CRIM1: variants seen among roughly 807,000 people sequenced by gnomAD.
The protein encoded by CRIM1 is cysteine rich transmembrane BMP regulator 1.
A neutral mutation model predicts 116.4 loss-of-function variants in CRIM1; 32 were observed. The ratio of observed to expected loss-of-function variants is 0.27; its 90% CI spans 0.21 to 0.37. CRIM1 has a LOEUF of 0.37. Among genes scored for constraint, CRIM1 ranks in the 10% least tolerant of loss-of-function variants. The pLI is 1.00. For synonymous variants in CRIM1, 590 were observed against 509.2 expected (o/e 1.16, Z -2.13); for missense variants, 1,331 against 1,354.8 (o/e 0.98, Z 0.28).
chr2:36,476,588 C>A (rs765968931), intron 5 of CRIM1, among the ~76,000 whole-genome samples: 6 of 152,100 alleles, frequency 3.9e-5, no homozygotes, highest in African/African-American at 7.2e-5. Flanking sequence ...AAAGCACATA[C>A]CAGATATGTG....
intron 5 of CRIM1, among the ~76,000 whole-genome samples, chr2:36,471,761 C>CACACACACA (rs72156127): frequency 0.053 from 6,848 of 128,602 alleles, 224 homozygotes; most frequent in South Asian, 0.098. Context: ...ACACACACAC[C>CACACACACA]ATCTTACAAT....
intron 2 of CRIM1, among the ~76,000 whole-genome samples, chr2:36,426,254 T>C (rs1415338405): frequency 6.6e-6 from 1 of 152,140 alleles, no homozygotes; most frequent in East Asian, 1.9e-4. Flanking sequence ...CAGTGTAAAA[T>C]TTCACTTTCT....
rs1664741797 is a variant in CRIM1, at chr2:36,512,338, T to C, written c.1724T>C (p.Ile575Thr). 2 of 1,613,950 alleles carry C rather than the reference T, an allele frequency of 1.2e-6. No individual in the cohort carries two copies. Among genetic ancestry groups the C allele is most frequent in the Non-Finnish European group, 1.7e-6 (2 of 1,179,904 alleles). The change falls in exon 10 of 17, where the codon ATC becomes ACC. Residue 575 changes from isoleucine to threonine, a missense_variant. This residue lies in a region of CRIM1 where 358 missense variants were observed against 436.1 expected (regional missense o/e 0.82). Transcript: ENST00000280527. Reference sequence around the variant, plus strand: ...TGTCCAGAGCTCTCATGCAGTAAGATCTGCCCCTTGGGTTTCCAGCAGGAC... The same window carrying C: ...TGTCCAGAGCTCTCATGCAGTAAGACCTGCCCCTTGGGTTTCCAGCAGGAC... ...KKCPELSCSK[I>T]CPLGFQQDSH...
chr2:36,511,590 T>A (rs970387513), intron 9 of CRIM1, among the ~76,000 whole-genome samples: 1 of 152,178 alleles, frequency 6.6e-6, no homozygotes, highest in African/African-American at 2.4e-5. Flanking sequence ...CCAACCGTCA[T>A]GTTGGAGAAA....
intron 1 of CRIM1, among the ~76,000 whole-genome samples, chr2:36,394,390 G>C (rs1421044997): frequency 3.9e-5 from 6 of 152,142 alleles, no homozygotes; most frequent in Non-Finnish European, 7.4e-5. Flanking sequence ...CATGTTAACA[G>C]TTAAACAGAT....
Position 36,364,988 on chromosome 2 carries a change from G to T in CRIM1, c.331+8365G>T, listed in dbSNP as rs191738334. Among the ~76,000 whole-genome samples, 347 of 151,964 alleles carry T rather than the reference G, an allele frequency of 2.3e-3. 2 individuals are homozygous for T. Among genetic ancestry groups the T allele is most frequent in the Non-Finnish European group, 3.4e-4 (23 of 67,954 alleles). On this transcript the variant is annotated intron_variant, in intron 1 of 16. Coordinates refer to ENST00000280527, the MANE Select transcript of CRIM1 (RefSeq NM_016441.3). ...CTCTGTAAGTTTAAAAATTTACCTT[G>T]TGGGCACACATTTCCTCCAAACTTA...
Position 36,369,417 on chromosome 2 carries a change from A to G in CRIM1, c.331+12794A>G, listed in dbSNP as rs142277355. Among the ~76,000 whole-genome samples, 203 of 152,316 alleles carry G rather than the reference A, an allele frequency of 1.3e-3. 2 individuals are homozygous for G. The highest frequency in any genetic ancestry group is 4.7e-3 in the African/African-American group (197 of 41,570). The stretch of plus-strand genomic sequence containing the variant: ...ATTTGCCTCCATGTTCTTTCCAGCA[A>G]GGATGAGTGCACACAGCTTTCCAGC... On this transcript the variant is annotated intron_variant, in intron 1 of 16. Coordinates refer to ENST00000280527, the MANE Select transcript of CRIM1 (RefSeq NM_016441.3).
chr2:36,544,505 AT>A lies in CRIM1; in HGVS notation c.2746+9del, dbSNP rs1667175656. 2 of 1,328,078 alleles carry A rather than the reference AT, an allele frequency of 1.5e-6. No homozygotes were observed. Among genetic ancestry groups the A allele is most frequent in the Non-Finnish European group, 1.9e-6 (2 of 1,029,122 alleles). 82.3% of individuals were successfully genotyped at this position (1,328,078 alleles called of 1,614,324 possible). ...ATCGTCCATCTCCCTAGAGGTAAGCATTGAAGGCAGCTGAGATCTGCTAGTT... is the reference window on the plus strand; with the variant it reads ...ATCGTCCATCTCCCTAGAGGTAAGCATGAAGGCAGCTGAGATCTGCTAGTT... On this transcript the variant is annotated splice_region_variant and intron_variant, in intron 15 of 16. Coordinates refer to ENST00000280527, the MANE Select transcript of CRIM1 (RefSeq NM_016441.3).
chr2:36,437,673 G>A (rs186037262), intron 2 of CRIM1, among the ~76,000 whole-genome samples: 6 of 152,272 alleles, frequency 3.9e-5, no homozygotes, highest in African/African-American at 9.6e-5. Flanking sequence ...CCTTCTAGCC[G>A]TCAAACTCTG....
At chr2:36,435,180 G>GA (rs1403691365) in intron 2 of CRIM1, among the ~76,000 whole-genome samples, 6 of 152,110 alleles carry the variant, frequency 3.9e-5, no homozygotes, top group Non-Finnish European at 8.8e-5. Flanking sequence ...GGAGGTGTCG[G>GA]AAAAAACAGT....
Position 36,441,518 on chromosome 2 carries a change from C to G in CRIM1, c.748+18C>G. ...CAAACCAGGTATGCACGAGCTCTGT[C>G]TCAGCAGCCTTGTTCCTTTGCATCA... On this transcript the variant is annotated intron_variant, in intron 3 of 16. Coordinates refer to ENST00000280527, the MANE Select transcript of CRIM1 (RefSeq NM_016441.3). 6.2e-7 allele frequency: 1 copy of G among 1,604,022 alleles called. No individual in the cohort carries two copies. Among genetic ancestry groups the G allele is most frequent in the East Asian group, 2.2e-5 (1 of 44,858 alleles).
In CRIM1 at chr2:36,513,735, C is replaced by G. The variant is rs1200246819; in HGVS notation, c.1960C>G (p.His654Asp). ...PVPACGNPTIHPGQCCPSCAD... is the reference protein window; with the variant it reads ...PVPACGNPTIDPGQCCPSCAD... ...GCCTGCCTGTGGCAACCCCACCATT[C>G]ACCCTGGACAGTGCTGCCCATCATG... The change falls in exon 11 of 17, where the codon CAC (histidine) becomes GAC (aspartate). Residue 654 changes from histidine (H) to aspartate (D), a missense_variant. Around this residue, in one of 3 missense-constraint regions of CRIM1, gnomAD observed 358 missense variants for 436.1 expected, o/e 0.82. Transcript: ENST00000280527. 1 of 1,614,178 alleles carries G rather than the reference C, an allele frequency of 6.2e-7. No homozygotes were observed. Among genetic ancestry groups the G allele is most frequent in the Admixed American group, 1.7e-5 (1 of 60,024 alleles).
In CRIM1 at chr2:36,383,852, G is replaced by A. The variant is rs370820965; in HGVS notation, c.332-12762G>A. Among the ~76,000 whole-genome samples, 12 of 152,302 alleles carry A rather than the reference G, an allele frequency of 7.9e-5. No individual in the cohort carries two copies. The South Asian group carries it at 2.1e-3, about 26-fold the overall frequency. ...AAATGGGATCCGTAAAGGCCCATTGGAGTGAACATGCATAGTATACTCAGG... is the reference window on the plus strand; with the variant it reads ...AAATGGGATCCGTAAAGGCCCATTGAAGTGAACATGCATAGTATACTCAGG... On this transcript the variant is annotated intron_variant, in intron 1 of 16. Coordinates refer to ENST00000280527, the MANE Select transcript of CRIM1 (RefSeq NM_016441.3).
At chr2:36,523,340 G>C (rs952507822) in intron 13 of CRIM1, among the ~76,000 whole-genome samples, 14 of 152,228 alleles carry the variant, frequency 9.2e-5, no homozygotes, top group Non-Finnish European at 1.3e-4. Context: ...TAGGCACACA[G>C]AGTGAGGCCT....
At chr2:36,366,528 A>G (rs1036462410) in intron 1 of CRIM1, among the ~76,000 whole-genome samples, 1 of 152,160 alleles carries the variant, frequency 6.6e-6, no homozygotes. Flanking sequence ...TACCTTGCCT[A>G]TGGAAAGATT....
chr2:36,546,763 ATTT>A (rs775086985), intron 15 of CRIM1, among the ~76,000 whole-genome samples: 11,623 of 101,480 alleles, frequency 0.11, 854 homozygotes, highest in East Asian at 0.26. Flanking sequence ...TCTCACTCTG[ATTT>A]TTTTTTTTTT....
intron 13 of CRIM1, among the ~76,000 whole-genome samples, chr2:36,532,678 G>A (rs1666196844): frequency 6.6e-6 from 1 of 152,186 alleles, no homozygotes. Context: ...ACAGACAGAG[G>A]TGCTGGCGGA....
intron 2 of CRIM1, among the ~76,000 whole-genome samples, chr2:36,405,252 T>C (rs575666782): frequency 1.1e-3 from 167 of 152,312 alleles, no homozygotes; most frequent in African/African-American, 3.8e-3. Flanking sequence ...CTGGGAGTAT[T>C]AGCATTCATG....
chr2:36,358,165 C>T (rs1668983733), intron 1 of CRIM1, among the ~76,000 whole-genome samples: 1 of 152,138 alleles, frequency 6.6e-6, no homozygotes, highest in Non-Finnish European at 1.5e-5. Context: ...TACAAAAAAG[C>T]CTCTCACCTG....
Sources: allele counts gnomAD v4.1 joint callset (sites outside exome capture counted in the v4.1 genomes callset), GRCh38; gene constraint gnomAD v4.1.1; regional missense constraint gnomAD v4.1.1; transcripts MANE v1.5; gene names NCBI Gene and HGNC (gene_info 2026-07-23, HGNC 2026-07-21).